Variants in SMIM36 observed in about 807,000 individuals in gnomAD.
SMIM36 encodes the protein small integral membrane protein 36.
chr17:55,465,703 G>A (rs1046053933), intron 4 of SMIM36, among the ~76,000 whole-genome samples: 1 of 152,074 alleles, frequency 6.6e-6, no homozygotes, highest in African/African-American at 2.4e-5. Context: ...GAATGTTCAA[G>A]CAGAGACTGG....
chr17:55,516,140 A>T (rs1224010448), upstream of SMIM36, among the ~76,000 whole-genome samples: 2 of 151,538 alleles, frequency 1.3e-5, no homozygotes, highest in African/African-American at 4.8e-5. Context: ...ATATCTTCCC[A>T]GTAAAATTCC....
intron 4 of SMIM36, chr17:55,458,365 T>G (rs1468245950): frequency 6.6e-6 from 1 of 152,158 alleles, no homozygotes; most frequent in Non-Finnish European, 1.5e-5. Context: ...ATGGGAGTGC[T>G]GGGAAGGGAA....
At chr17:55,516,700 A>G in the SMIM36 span, among the ~76,000 whole-genome samples, 5 of 151,860 alleles carry the variant, frequency 3.3e-5, no homozygotes, top group African/African-American at 1.2e-4. Context: ...CTGGGATTAC[A>G]GGCACCTGCC....
chr17:55,490,402 T>C (rs1909682519), intron 1 of SMIM36, among the ~76,000 whole-genome samples: 1 of 152,164 alleles, frequency 6.6e-6, no homozygotes, highest in Non-Finnish European at 1.5e-5. Context: ...CTCATGAATT[T>C]ATAAGCCAGA....
chr17:55,491,504 C>T (rs1230853064), intron 1 of SMIM36, among the ~76,000 whole-genome samples: 1 of 152,124 alleles, frequency 6.6e-6, no homozygotes, highest in Non-Finnish European at 1.5e-5. Flanking sequence ...TTACTGGAAC[C>T]CTGATTTTGT....
intron 3 of SMIM36, chr17:55,476,941 C>G (rs1331244778): frequency 1.3e-5 from 2 of 152,214 alleles, no homozygotes; most frequent in African/African-American, 4.8e-5. Flanking sequence ...TAAATTTGCA[C>G]ATTTTCAGGG....
chr17:55,516,766 G>A, the SMIM36 span, among the ~76,000 whole-genome samples: 1 of 151,914 alleles, frequency 6.6e-6, no homozygotes, highest in Non-Finnish European at 1.5e-5. Flanking sequence ...CACCATATTG[G>A]CCAGGCTGGT....
the SMIM36 span, among the ~76,000 whole-genome samples, chr17:55,529,643 G>A: frequency 1.5e-5 from 2 of 131,876 alleles, no homozygotes; most frequent in Admixed American, 1.4e-4. Flanking sequence ...CACACACAGA[G>A]TATCCAGATG....
intron 3 of SMIM36, among the ~76,000 whole-genome samples, chr17:55,471,934 A>G (rs1191404342): frequency 6.6e-6 from 1 of 152,134 alleles, no homozygotes; most frequent in Non-Finnish European, 1.5e-5. Flanking sequence ...TACCCTCTAT[A>G]GTTCTCACAA....
intron 1 of SMIM36, among the ~76,000 whole-genome samples, chr17:55,500,336 G>A (rs1222893786): frequency 6.6e-6 from 1 of 151,978 alleles, no homozygotes; most frequent in African/African-American, 2.4e-5. Flanking sequence ...TGTTGCCCAG[G>A]CTGGTCTCAA....
chr17:55,479,144 G>T (rs1909476379), intron 2 of SMIM36, among the ~76,000 whole-genome samples: 1 of 152,216 alleles, frequency 6.6e-6, no homozygotes, highest in Non-Finnish European at 1.5e-5. Flanking sequence ...GCCTTTTGGT[G>T]TATGCAAAGT....
chr17:55,501,289 T>A (rs1372975674), intron 1 of SMIM36, among the ~76,000 whole-genome samples: 1 of 80,806 alleles, frequency 1.2e-5, no homozygotes, highest in Non-Finnish European at 2.2e-5. Flanking sequence ...ATATATTATA[T>A]TTTATAATAT....
At chr17:55,464,333 T>C (rs1286371311) in intron 4 of SMIM36, among the ~76,000 whole-genome samples, 1 of 152,174 alleles carries the variant, frequency 6.6e-6, no homozygotes, top group African/African-American at 2.4e-5. Flanking sequence ...AGGCCTTTCC[T>C]GAATTGAGCT....
chr17:55,461,032 G>C (rs189488352), intron 4 of SMIM36, among the ~76,000 whole-genome samples: 29 of 152,224 alleles, frequency 1.9e-4, no homozygotes, highest in African/African-American at 5.8e-4. Context: ...AATTAAGCAG[G>C]AGTGTGGCCT....
chr17:55,482,303 C>T (rs1909534293), intron 1 of SMIM36, among the ~76,000 whole-genome samples: 1 of 152,170 alleles, frequency 6.6e-6, no homozygotes, highest in Non-Finnish European at 1.5e-5. Context: ...CCACAACATC[C>T]TCCCCACCTT....
upstream of SMIM36, among the ~76,000 whole-genome samples, chr17:55,513,966 C>T (rs147186925): frequency 6.4e-4 from 98 of 152,232 alleles, no homozygotes; most frequent in African/African-American, 2.2e-3. Flanking sequence ...GTCTTTGGTT[C>T]CAGTATCTTA....
At chr17:55,518,167 C>T in the SMIM36 span, among the ~76,000 whole-genome samples, 1 of 152,178 alleles carries the variant, frequency 6.6e-6, no homozygotes, top group East Asian at 1.9e-4. Flanking sequence ...GCTGTGTCAT[C>T]CCATGGTAGA....
intron 4 of SMIM36, 115 bp downstream of exon 4, chr17:55,467,030 C>A (rs1217966938): frequency 1.3e-5 from 2 of 152,196 alleles, no homozygotes; most frequent in African/African-American, 4.8e-5. Flanking sequence ...TACAGAGGAA[C>A]TGCAATTCGT....
At chr17:55,509,828 A>T (rs1306942371) in intron 1 of SMIM36, among the ~76,000 whole-genome samples, 1 of 152,188 alleles carries the variant, frequency 6.6e-6, no homozygotes, top group South Asian at 2.1e-4. Flanking sequence ...GGGAAAAAAC[A>T]TACCATTCAA....
Sources: gnomAD v4.1 joint callset for allele counts (sites outside exome capture counted in the v4.1 genomes callset) on GRCh38, gnomAD v4.1.1 for gene constraint, MANE v1.5 for transcripts, NCBI Gene and HGNC (gene_info 2026-07-23, HGNC 2026-07-21) for gene names.